STXBP2: variants seen among roughly 807,000 people sequenced by gnomAD.
STXBP2 encodes the protein syntaxin binding protein 2.
Under a neutral mutation model 72.2 loss-of-function variants are expected in STXBP2, and 47 were observed. The ratio of observed to expected loss-of-function variants is 0.65; its 90% CI spans 0.51 to 0.83. The LOEUF (loss-of-function observed/expected upper bound fraction) is 0.83. Ranked by LOEUF, STXBP2 falls within the 40% of genes least tolerant of loss-of-function variation. STXBP2 has a pLI of 0.00. For synonymous variants in STXBP2, 367 were observed against 338.7 expected (o/e 1.08, Z -0.92); for missense variants, 702 against 807.6 (o/e 0.87, Z 1.58).
At chr19:7,630,113 T>C in the STXBP2 span, 1 of 376,264 alleles carries the variant, frequency 2.7e-6, no homozygotes, top group Non-Finnish European at 4.6e-6. Context: ...AGGGGTGAGC[T>C]GAGAAGGGGG....
chr19:7,629,931 A>G, the STXBP2 span: 1 of 1,436,232 alleles, frequency 7.0e-7, no homozygotes, highest in South Asian at 1.4e-5. Context: ...GAGGTTGGAA[A>G]TGGGGGGACT....
At chr19:7,635,364 T>C (rs2031487132), upstream of STXBP2, among the ~76,000 whole-genome samples, 1 of 152,214 alleles carries the variant, frequency 6.6e-6, no homozygotes, top group African/African-American at 2.4e-5. Flanking sequence ...CAGCGAGTTG[T>C]ATGGTATGTG....
chr19:7,632,065 T>C (rs1275659651), upstream of STXBP2: 2 of 544,300 alleles, frequency 3.7e-6, no homozygotes, highest in Admixed American at 3.4e-5. This position sits in a 1 kb window ranked among gnomAD's most constrained non-coding sequence, Gnocchi z 5.2. Context: ...TATACAGATG[T>C]ATATATCCTA....
rs768068263 is a variant in STXBP2, at chr19:7,639,062, G to A, written c.131G>A (p.Cys44Tyr). The change falls in exon 3 of 19, where the codon TGC becomes TAC. Residue 44 changes from cysteine (C) to tyrosine (Y), a missense_variant. By Grantham distance (194) the Cys-to-Tyr change is radical. Transcript: ENST00000221283. ...CCAAGCATGCGCATCTTGTCTTCCTGCTGCAAAATGTCAGATATCCTGGCT... is the reference window on the plus strand; with the variant it reads ...CCAAGCATGCGCATCTTGTCTTCCTACTGCAAAATGTCAGATATCCTGGCT... ...DHPSMRILSS[C>Y]CKMSDILAEG... The A allele has an allele frequency of 6.2e-7, 1 of 1,614,214 alleles. No homozygotes were observed. The highest frequency in any genetic ancestry group is 8.5e-7 in the Non-Finnish European group (1 of 1,180,034).
chr19:7,639,351 G>A (rs1202840154), intron 3 of STXBP2: 10 of 613,262 alleles, frequency 1.6e-5, no homozygotes, highest in South Asian at 5.5e-5. Flanking sequence ...CTTCCTGACC[G>A]TGCAGCTCCC....
In STXBP2 at chr19:7,642,675, C is replaced by T; in HGVS notation, c.903-91C>T. 1.4e-6 allele frequency: 2 copies of T among 1,477,384 alleles called. No individual in the cohort carries two copies. The highest frequency in any genetic ancestry group is 1.4e-5 in the African/African-American group (1 of 72,074). The allele number at this position is 1,477,384 out of a possible 1,614,324, so 91.5% of individuals were successfully genotyped here. ...GACTCCAGACTGGCCTCCAATTTCA[C>T]CCCACCTCTCCCTGTCCCCCCTGAG... On this transcript the variant is annotated intron_variant, in intron 10 of 18. Transcript: ENST00000221283. This position sits in a 1 kb window ranked among gnomAD's most constrained non-coding sequence, Gnocchi z 6.0.
In STXBP2 at chr19:7,640,759, A is replaced by G; in HGVS notation, c.275A>G (p.Gln92Arg). The change falls in exon 5 of 19, where the codon CAG (glutamine) becomes CGG (arginine). Residue 92 changes from glutamine to arginine, a missense_variant. Transcript: ENST00000221283. ...KSVQALIKDFQGTPTFTYKAA... is the reference protein window; with the variant it reads ...KSVQALIKDFRGTPTFTYKAA... ...GTTCAGGCCCTGATCAAAGACTTCC[A>G]GGGGACCCCGACTTTCACCTACAAA... 6.2e-7 allele frequency: 1 copy of G among 1,614,184 alleles called. No homozygotes were observed. The highest frequency in any genetic ancestry group is 8.5e-7 in the Non-Finnish European group (1 of 1,180,010).
At chr19:7,632,907 A>G, upstream of STXBP2, 1 of 1,517,792 alleles carries the variant, frequency 6.6e-7, no homozygotes, top group Middle Eastern at 1.7e-4. This position sits in a 1 kb window ranked among gnomAD's most constrained non-coding sequence, Gnocchi z 5.2. Flanking sequence ...CAGCTTGCTC[A>G]CACCCTGACC....
At chr19:7,638,849 G>A in intron 2 of STXBP2, 74 bp downstream of exon 2, 2 of 1,603,932 alleles carry the variant, frequency 1.2e-6, no homozygotes, top group Non-Finnish European at 1.7e-6. Context: ...CCTGAATGTG[G>A]GACCCCCAAG....
rs767361100 is a variant in STXBP2, at chr19:7,642,343, C to T, written c.794+10C>T. 1.9e-6 allele frequency: 3 copies of T among 1,613,658 alleles called. No individual in the cohort carries two copies. The East Asian group carries it at 6.7e-5, about 36-fold the overall frequency. ...AGCAGGACACATACAGGTCTGCAGA[C>T]TTGGAACCCGTCCCCACCCTTGCCA... is the stretch of plus-strand genomic sequence containing the variant. On this transcript the variant is annotated intron_variant, in intron 9 of 18. Transcript: ENST00000221283. The surrounding 1 kb of genome is among the most constrained non-coding windows in gnomAD (Gnocchi z 6.0).
chr19:7,631,292 G>C, the STXBP2 span: 3 of 1,414,788 alleles, frequency 2.1e-6, no homozygotes, highest in Admixed American at 3.0e-5. Flanking sequence ...TCTCCTGGAA[G>C]AGTGAAGCGG....
At chr19:7,647,055 G>C in intron 16 of STXBP2, 107 bp from the exon 17 acceptor site, 2 of 1,173,636 alleles carry the variant, frequency 1.7e-6, no homozygotes, top group Non-Finnish European at 2.5e-6. Flanking sequence ...TGGAGATGCT[G>C]GTTCCTGTCT....
chr19:7,645,742 C>G (rs983695635), intron 15 of STXBP2, among the ~76,000 whole-genome samples: 1 of 152,016 alleles, frequency 6.6e-6, no homozygotes, highest in Non-Finnish European at 1.5e-5. Flanking sequence ...CTCTCTGGCC[C>G]TGTGCGTCCC....
chr19:7,647,653 C>A (rs565596155), intron 18 of STXBP2, 72 bp from the exon 19 acceptor site: 7 of 1,600,984 alleles, frequency 4.4e-6, no homozygotes, highest in Non-Finnish European at 6.0e-6. Context: ...CCACACCAGC[C>A]GGGACCGGGA....
At chr19:7,633,364 G>C, upstream of STXBP2, 2 of 1,541,002 alleles carry the variant, frequency 1.3e-6, no homozygotes, top group Middle Eastern at 1.7e-4. Flanking sequence ...CATGGGCTCT[G>C]AGACCTTGAG....
intron 4 of STXBP2, 195 bp downstream of exon 4, chr19:7,640,002 ATGTATG>A (rs2031741041): frequency 1.5e-6 from 1 of 668,138 alleles, no homozygotes; most frequent in East Asian, 3.1e-5. Flanking sequence ...ATGTGTGTCT[ATGTATG>A]TGTCTGTGTG....
the STXBP2 span, chr19:7,630,915 G>A: frequency 1.3e-6 from 2 of 1,533,046 alleles, no homozygotes; most frequent in East Asian, 2.4e-5. Flanking sequence ...ATGGGTTTTA[G>A]ATGAAAATTT....
the STXBP2 span, chr19:7,631,100 T>C: frequency 5.3e-6 from 4 of 748,732 alleles, no homozygotes; most frequent in Non-Finnish European, 8.3e-6. Flanking sequence ...TCCAGCTGCT[T>C]GGGAGGCTGA....
At chr19:7,645,520 T>C in intron 15 of STXBP2, 1 of 566,946 alleles carries the variant, frequency 1.8e-6, no homozygotes. Context: ...GCAGGGGAAG[T>C]GAGACATGGT....
Sources: allele counts gnomAD v4.1 joint callset (sites outside exome capture counted in the v4.1 genomes callset), GRCh38; gene constraint gnomAD v4.1.1; non-coding constraint Gnocchi (gnomAD v3.1); transcripts MANE v1.5; gene names NCBI Gene and HGNC (gene_info 2026-07-23, HGNC 2026-07-21).